Variants in RBM33 observed in about 807,000 individuals in gnomAD.
RBM33 encodes the protein RNA binding motif protein 33.
RBM33 carries 28 observed loss-of-function variants against 132.6 expected under a neutral mutation model. The observed-to-expected ratio is 0.21, with a 90% CI of 0.16 to 0.29. The LOEUF (loss-of-function observed/expected upper bound fraction) is 0.29, where lower values mean the gene tolerates loss of function less well. Among genes scored for constraint, RBM33 ranks in the 10% least tolerant of loss-of-function variants. The pLI is 1.00. For synonymous variants in RBM33, 634 were observed against 593.0 expected (o/e 1.07, Z -1.01); for missense variants, 1,291 against 1,518.5 (o/e 0.85, Z 2.49).
chr7:155,717,330 TCTC>T (rs560729452), intron 8 of RBM33, among the ~76,000 whole-genome samples: 28 of 152,198 alleles, frequency 1.8e-4, no homozygotes, highest in African/African-American at 6.7e-4. Context: ...TTGGCCACCT[TCTC>T]CTTGTGTCCT....
intron 14 of RBM33, among the ~76,000 whole-genome samples, chr7:155,749,714 A>G (rs10226143): frequency 5.3e-5 from 8 of 152,038 alleles, no homozygotes; most frequent in Non-Finnish European, 1.2e-4. Context: ...CGCAGCCTGG[A>G]TGGTAAGTAG....
intron 5 of RBM33, 77 bp from the exon 6 acceptor site, chr7:155,700,696 T>A (rs1405858114): frequency 9.3e-7 from 1 of 1,073,100 alleles, no homozygotes; most frequent in African/African-American, 1.6e-5. Flanking sequence ...AATTAAATAT[T>A]TTAGCATTCT....
chr7:155,692,809 C>T (rs551373362), intron 5 of RBM33, among the ~76,000 whole-genome samples: 40 of 152,196 alleles, frequency 2.6e-4, no homozygotes, highest in Non-Finnish European at 2.9e-5. Context: ...AACAATTCCA[C>T]TTTAACAAAT....
chr7:155,680,459 C>G, intron 4 of RBM33, 131 bp from the exon 5 acceptor site: 1 of 690,332 alleles, frequency 1.4e-6, no homozygotes, highest in Admixed American at 2.9e-5. Context: ...AGTTAATGTG[C>G]ATTTGTCAGT....
At chr7:155,765,676 T>G (rs539686682) in intron 15 of RBM33, among the ~76,000 whole-genome samples, 1 of 152,224 alleles carries the variant, frequency 6.6e-6, no homozygotes, top group Non-Finnish European at 1.5e-5. Context: ...CTAGGCTACA[T>G]TGGGCACATA....
chr7:155,698,022 A>G (rs971224891), intron 5 of RBM33, among the ~76,000 whole-genome samples: 5 of 152,192 alleles, frequency 3.3e-5, no homozygotes, highest in Non-Finnish European at 4.4e-5. Context: ...GCAGCACACT[A>G]CCCATCAGTG....
At chr7:155,668,774 C>T (rs982732275) in intron 2 of RBM33, among the ~76,000 whole-genome samples, 1 of 152,176 alleles carries the variant, frequency 6.6e-6, no homozygotes, top group Non-Finnish European at 1.5e-5. Flanking sequence ...GTTTTTGAAT[C>T]ATTTTGAAAT....
At chr7:155,707,582 ATTTCAAT>A (rs1360269325) in intron 7 of RBM33, among the ~76,000 whole-genome samples, 1 of 152,194 alleles carries the variant, frequency 6.6e-6, no homozygotes, top group Non-Finnish European at 1.5e-5. Context: ...TGTACCTGTA[ATTTCAAT>A]TAGAATTTCG....
At chr7:155,688,611 G>C (rs1293817164) in intron 5 of RBM33, among the ~76,000 whole-genome samples, 5 of 152,120 alleles carry the variant, frequency 3.3e-5, no homozygotes, top group Non-Finnish European at 7.4e-5. Context: ...TTGGCTGTGG[G>C]TTTGTCATAA....
chr7:155,743,785 T>C (rs1044773825), intron 13 of RBM33, among the ~76,000 whole-genome samples: 2 of 152,222 alleles, frequency 1.3e-5, no homozygotes, highest in Non-Finnish European at 1.5e-5. Flanking sequence ...GAAATTCCGA[T>C]GACTAGTAAT....
At chr7:155,696,131 A>G (rs1585450057) in intron 5 of RBM33, among the ~76,000 whole-genome samples, 6 of 152,144 alleles carry the variant, frequency 3.9e-5, no homozygotes, top group Admixed American at 3.9e-4. Context: ...GTATCCCTAT[A>G]TCAGTACTAT....
Position 155,745,124 on chromosome 7 carries a change from T to C in RBM33, c.2501T>C (p.Leu834Pro), listed in dbSNP as rs1473590545. 6.2e-7 allele frequency: 1 copy of C among 1,600,668 alleles called. No individual in the cohort carries two copies. The highest frequency in any genetic ancestry group is 1.7e-5 in the Admixed American group (1 of 57,602). Residue 834 changes from leucine to proline, a missense_variant, in exon 14 of 18, where the codon CTG (leucine) becomes CCG (proline). Physicochemically the swap from Leu to Pro is moderately conservative, Grantham distance 98. Around this residue, in one of 7 missense-constraint regions of RBM33, gnomAD observed 841 missense variants for 912.0 expected, o/e 0.92. Transcript: ENST00000401878. The surrounding 1 kb of genome is among the most constrained non-coding windows in gnomAD (Gnocchi z 4.1). ...LERLAQQQQQ[L>P]YAPPPPAEQE... ...AGACTCGCGCAGCAACAGCAGCAGC[T>C]GTACGCTCCCCCACCCCCAGCAGAG...
intron 9 of RBM33, among the ~76,000 whole-genome samples, chr7:155,733,558 T>C (rs1801021220): frequency 6.6e-6 from 1 of 152,248 alleles, no homozygotes; most frequent in East Asian, 1.9e-4. Flanking sequence ...GACAGTGTCA[T>C]ACCCAGGAAT....
In RBM33 at chr7:155,725,203, GTTTTTTTT is replaced by G. The variant is rs59050644; in HGVS notation, c.1260+6774_1260+6781del. ...TAGTTGGTTCTTTCCTTTTTTAGTT[GTTTTTTTT>G]TTTTTTTTTTTTTGAATGAGGAAGT... On this transcript the variant is annotated intron_variant, in intron 9 of 17. Transcript: ENST00000401878. Among the ~76,000 whole-genome samples, 354 of 105,188 alleles carry G rather than the reference GTTTTTTTT, an allele frequency of 3.4e-3. 1 individual carries two copies. Among genetic ancestry groups the G allele is most frequent in the Middle Eastern group, 0.01 (2 of 192 alleles). 69.0% of individuals were successfully genotyped at this position (105,188 alleles called of 152,430 possible). A position where few individuals can be genotyped will look rare whatever the true frequency, so the allele number is the denominator to read the frequency against.
In RBM33 at chr7:155,779,661, T is replaced by C. The variant is rs556146498; in HGVS notation, c.*4620T>C. On this transcript the variant is annotated 3_prime_UTR_variant, in exon 18 of 18. Transcript: ENST00000401878. ...CTAAAGCGGAACTCACTGATTCATA[T>C]TGGATCCCCAGGTATACCTTCTGCT... 18 of 152,334 alleles carry C rather than the reference T, an allele frequency of 1.2e-4. No homozygotes were observed. The highest frequency in any genetic ancestry group is 4.1e-4 in the African/African-American group (17 of 41,576). 9.4% of individuals were successfully genotyped at this position (152,334 alleles called of 1,614,324 possible).
intron 1 of RBM33, among the ~76,000 whole-genome samples, chr7:155,659,725 G>A (rs1211086843): frequency 1.3e-5 from 2 of 152,044 alleles, no homozygotes; most frequent in Non-Finnish European, 2.9e-5. Flanking sequence ...CTAAAAGATA[G>A]GAATCTATAC....
chr7:155,655,515 CGGTATTAAGG>C (rs1798467598), intron 1 of RBM33, among the ~76,000 whole-genome samples: 1 of 127,532 alleles, frequency 7.8e-6, no homozygotes, highest in Middle Eastern at 5.1e-3. Flanking sequence ...ATTTTCATAA[CGGTATTAAGG>C]CTGTTTGCCT....
intron 5 of RBM33, among the ~76,000 whole-genome samples, chr7:155,695,754 C>T (rs916434199): frequency 2.0e-5 from 3 of 152,190 alleles, no homozygotes; most frequent in Non-Finnish European, 4.4e-5. Context: ...AGCTACCATG[C>T]CTGGCCTCAT....
At chr7:155,728,800 A>G (rs918701281) in intron 9 of RBM33, among the ~76,000 whole-genome samples, 7 of 152,222 alleles carry the variant, frequency 4.6e-5, no homozygotes, top group African/African-American at 7.2e-5. Flanking sequence ...GTTCATACCA[A>G]GGAATTCACA....
Sources: gnomAD v4.1 joint callset for allele counts (sites outside exome capture counted in the v4.1 genomes callset) on GRCh38, gnomAD v4.1.1 for gene constraint, gnomAD v4.1.1 regional missense constraint, Gnocchi (gnomAD v3.1) non-coding constraint, MANE v1.5 for transcripts, NCBI Gene and HGNC (gene_info 2026-07-23, HGNC 2026-07-21) for gene names.